The following CACNA1C variants were observed in gnomAD, a reference collection of about 807,000 sequenced individuals.
CACNA1C encodes the protein voltage-dependent L-type calcium channel subunit alpha-1C.
In CACNA1C, 30 loss-of-function variants were observed where a neutral mutation model predicts 229.0. The ratio of observed to expected loss-of-function variants is 0.13; its 90% CI spans 0.10 to 0.18. The LOEUF (loss-of-function observed/expected upper bound fraction) is 0.18, where lower values mean the gene tolerates loss of function less well. Among genes scored for constraint, CACNA1C ranks in the 10% least tolerant of loss-of-function variants. CACNA1C has a pLI of 1.00. For synonymous variants in CACNA1C, 1,114 were observed against 1,132.5 expected, an observed-to-expected ratio of 0.98 and a Z score of 0.33; for missense variants, 1,658 against 2,845.0, an observed-to-expected ratio of 0.58 and a Z score of 9.49.
chr12:2,424,412 G>T (rs2099009106), intron 3 of CACNA1C, among the ~76,000 whole-genome samples: 1 of 151,794 alleles, frequency 6.6e-6, no homozygotes, highest in South Asian at 2.1e-4. Flanking sequence ...ATGTGGAGGA[G>T]CGTGTGTGAG....
chr12:2,170,851 C>T lies in CACNA1C; in HGVS notation c.477+50421C>T, dbSNP rs143695214. 4.6e-5 allele frequency among the ~76,000 whole-genome samples: 7 copies of T among 152,332 alleles called. No individual in the cohort carries two copies. In the East Asian group the frequency reaches 9.7e-4, roughly 21 times the overall value. On this transcript the variant is annotated intron_variant, in intron 3 of 46. Coordinates refer to ENST00000399655, the MANE Select transcript of CACNA1C (RefSeq NM_000719.7). ...CCCGTAGATTCTAGGGAGGGCACTC[C>T]AGGCCTGCAGGGGCCCTGAGGCAGG...
intron 1 of CACNA1C, among the ~76,000 whole-genome samples, chr12:1,979,911 A>T (rs557408465): frequency 3.3e-5 from 5 of 152,330 alleles, no homozygotes; most frequent in Admixed American, 6.5e-5. Context: ...GTAAAATGCA[A>T]ATTAAAATCA....
chr12:2,659,001 A>G (rs1007050583), intron 34 of CACNA1C, among the ~76,000 whole-genome samples: 11 of 152,260 alleles, frequency 7.2e-5, no homozygotes, highest in Non-Finnish European at 1.6e-4. Context: ...TTTATAAAGT[A>G]AAAATGTTAC....
intron 37 of CACNA1C, chr12:2,668,473 T>G (rs1418192091): frequency 6.1e-6 from 1 of 164,280 alleles, no homozygotes; most frequent in Non-Finnish European, 1.3e-5. Flanking sequence ...ATCCTTGCAC[T>G]GCTGTAAAGA....
intron 42 of CACNA1C, chr12:2,681,810 T>C: frequency 1.6e-6 from 1 of 641,468 alleles, no homozygotes. Context: ...TCTGATGCCC[T>C]CAGGGGTCTG....
At chr12:2,242,007 C>T (rs1600373390) in intron 3 of CACNA1C, among the ~76,000 whole-genome samples, 1 of 152,306 alleles carries the variant, frequency 6.6e-6, no homozygotes, top group African/African-American at 2.4e-5. Flanking sequence ...GCTCCCTGCT[C>T]CATCTTGCAG....
chr12:2,235,341 G>T (rs1208851173), intron 3 of CACNA1C, among the ~76,000 whole-genome samples: 2 of 152,166 alleles, frequency 1.3e-5, no homozygotes, highest in Non-Finnish European at 2.9e-5. Flanking sequence ...TTCAGCCGGG[G>T]TCCAACACAG....
In CACNA1C at chr12:2,027,710, A is replaced by G. The variant is rs541799623; in HGVS notation, c.139+56509A>G. Among the ~76,000 whole-genome samples the G allele has an allele frequency of 2.7e-4, 41 of 152,130 alleles. 3 individuals are homozygous for G. In the South Asian group the frequency reaches 8.1e-3, roughly 30 times the overall value. ...TTTCCAGAGTGAGCATGAGGGACTC[A>G]CTCTCTCCCTGACACTTTTTGTCCA... On this transcript the variant is annotated intron_variant, in intron 1 of 46. Coordinates refer to the CACNA1C transcript ENST00000682462.
chr12:2,053,538 C>T lies in CACNA1C; in HGVS notation c.-25C>T. 2 of 1,578,246 alleles carry T rather than the reference C, an allele frequency of 1.3e-6. No homozygotes were observed. Among genetic ancestry groups the T allele is most frequent in the African/African-American group, 1.3e-5 (1 of 74,156 alleles). ...CATTTCTTCCTCTTCGTGGCTGCTCCTCCTATTAAAACCATTTTTGGTCCA... is the reference window on the plus strand; with the variant it reads ...CATTTCTTCCTCTTCGTGGCTGCTCTTCCTATTAAAACCATTTTTGGTCCA... On this transcript the variant is annotated 5_prime_UTR_variant, in exon 1 of 47. Transcript: ENST00000399655. The surrounding 1 kb of genome is among the most constrained non-coding windows in gnomAD (Gnocchi z 5.8).
intron 29 of CACNA1C, among the ~76,000 whole-genome samples, chr12:2,622,417 C>T (rs967234576): frequency 1.3e-5 from 2 of 152,138 alleles, no homozygotes; most frequent in Non-Finnish European, 1.5e-5. Flanking sequence ...CACCCACGTC[C>T]TCCCATACTG....
At position 2,135,457 on chromosome 12, in the gene CACNA1C, G is replaced by C. The variant is rs961479452; in HGVS notation, c.477+15027G>C. Among the ~76,000 whole-genome samples, 47 of 138,064 alleles carry C rather than the reference G, an allele frequency of 3.4e-4. 3 individuals are homozygous for C. The highest frequency in any genetic ancestry group is 6.1e-4 in the Non-Finnish European group (40 of 65,214). The allele number at this position is 138,064 out of a possible 152,430, so 90.6% of individuals were successfully genotyped here. On this transcript the variant is annotated intron_variant, in intron 3 of 46. Coordinates refer to ENST00000399655, the MANE Select transcript of CACNA1C (RefSeq NM_000719.7). ...GTGGTTTTATCTACTTTTGGTCTTT[G>C]ATGATGGTGATGTACAGATGGGTTT...
At chr12:2,607,193 C>G (rs2075756704) in intron 26 of CACNA1C, 63 bp downstream of exon 26, 1 of 1,522,718 alleles carries the variant, frequency 6.6e-7, no homozygotes, top group Non-Finnish European at 8.9e-7. Flanking sequence ...GACTTTCCAG[C>G]CCATCCCCAA....
At position 2,067,909 on chromosome 12, in the gene CACNA1C, C is replaced by G. The variant is rs1163384056; in HGVS notation, c.49+14298C>G. On this transcript the variant is annotated intron_variant, in intron 1 of 46. Coordinates refer to ENST00000399655, the MANE Select transcript of CACNA1C (RefSeq NM_000719.7). The surrounding 1 kb of genome is among the most constrained non-coding windows in gnomAD (Gnocchi z 5.3). ...AGCTTCACAGCCTATGATATTGGCT[C>G]TCTGGAGAACCGGTTAGCCTTTGTG... is the stretch of plus-strand genomic sequence containing the variant. Among the ~76,000 whole-genome samples, 1 of 152,148 alleles carries G rather than the reference C, an allele frequency of 6.6e-6. No homozygotes were observed. Among genetic ancestry groups the G allele is most frequent in the Non-Finnish European group, 1.5e-5 (1 of 68,028 alleles).
intron 3 of CACNA1C, among the ~76,000 whole-genome samples, chr12:2,436,157 T>C (rs770580279): frequency 2.1e-4 from 32 of 152,316 alleles, no homozygotes; most frequent in South Asian, 4.2e-4. Context: ...AGAAGCTGGG[T>C]CCTGATGAAC....
intron 5 of CACNA1C, among the ~76,000 whole-genome samples, chr12:2,476,755 A>T (rs1403514644): frequency 6.6e-6 from 1 of 152,246 alleles, no homozygotes; most frequent in Admixed American, 6.5e-5. Flanking sequence ...CTAAGACAAG[A>T]ACCCTCCTTT....
At chr12:2,231,622 C>T (rs988631925) in intron 3 of CACNA1C, among the ~76,000 whole-genome samples, 2 of 152,146 alleles carry the variant, frequency 1.3e-5, no homozygotes, top group Non-Finnish European at 2.9e-5. Flanking sequence ...GAGCGGAGAT[C>T]AGAACCATCA....
chr12:2,067,316 G>A lies in CACNA1C; in HGVS notation c.49+13705G>A, dbSNP rs1190015283. 6.6e-6 allele frequency among the ~76,000 whole-genome samples: 1 copy of A among 152,134 alleles called. No homozygotes were observed. Among genetic ancestry groups the A allele is most frequent in the Non-Finnish European group, 1.5e-5 (1 of 68,012 alleles). On this transcript the variant is annotated intron_variant, in intron 1 of 46. Coordinates refer to ENST00000399655, the MANE Select transcript of CACNA1C (RefSeq NM_000719.7). This position sits in a 1 kb window ranked among gnomAD's most constrained non-coding sequence, Gnocchi z 5.3. ...TCAGAATAGCCAATGGGCCCCTTGAGCTCTGAGTGGATGCACAAAGGGCCA... is the reference window on the plus strand; with the variant it reads ...TCAGAATAGCCAATGGGCCCCTTGAACTCTGAGTGGATGCACAAAGGGCCA...
chr12:2,030,099 A>C (rs61174808), intron 1 of CACNA1C, among the ~76,000 whole-genome samples: 11,313 of 152,306 alleles, frequency 0.074, 1,279 homozygotes, highest in East Asian at 0.56. Context: ...CAACAATGTC[A>C]TAACGCGGAT....
rs912989857 is a variant in CACNA1C at position 2,346,237 on chromosome 12, G to C, written c.478-102739G>C. Among the ~76,000 whole-genome samples the C allele has an allele frequency of 6.6e-6, 1 of 152,124 alleles. No homozygotes were observed. Among genetic ancestry groups the C allele is most frequent in the Non-Finnish European group, 1.5e-5 (1 of 68,006 alleles). The stretch of plus-strand genomic sequence containing the variant: ...GTGTGTGTCATCTCTGTGTGTGTCT[G>C]TGTGTGTCTCTGTCTGTGCATCTCT... On this transcript the variant is annotated intron_variant, in intron 3 of 46. Coordinates refer to ENST00000399655, the MANE Select transcript of CACNA1C (RefSeq NM_000719.7). This position sits in a 1 kb window ranked among gnomAD's most constrained non-coding sequence, Gnocchi z 4.4.
Sources: gnomAD v4.1 joint callset for allele counts (sites outside exome capture counted in the v4.1 genomes callset) on GRCh38, gnomAD v4.1.1 for gene constraint, Gnocchi (gnomAD v3.1) non-coding constraint, MANE v1.5 for transcripts, NCBI Gene and HGNC (gene_info 2026-07-23, HGNC 2026-07-21) for gene names.